TAS2R1: variants seen among roughly 807,000 people sequenced by gnomAD.
TAS2R1 encodes taste receptor type 2 member 1.
For synonymous variants in TAS2R1, 141 were observed against 134.2 expected (o/e 1.05, Z -0.35); for missense variants, 370 against 353.4 (o/e 1.05, Z -0.38).
chr5:9,802,182 C>T, the TAS2R1 span, among the ~76,000 whole-genome samples: 1 of 152,202 alleles, frequency 6.6e-6, no homozygotes, highest in East Asian at 1.9e-4. Context: ...TACTTTACTC[C>T]CCTGCTACCT....
At chr5:9,647,450 A>G (rs983508613) in intron 2 of TAS2R1, among the ~76,000 whole-genome samples, 2 of 152,144 alleles carry the variant, frequency 1.3e-5, no homozygotes, top group Non-Finnish European at 2.9e-5. Flanking sequence ...AGCTGTGCAA[A>G]CCCCACATAC....
At chr5:9,898,213 G>T in the TAS2R1 span, among the ~76,000 whole-genome samples, 531 of 152,288 alleles carry the variant, frequency 3.5e-3, 3 homozygotes, top group African/African-American at 0.012. Flanking sequence ...CCTTAAGTGT[G>T]TCTCCTCCTA....
chr5:9,879,128 G>T, the TAS2R1 span, among the ~76,000 whole-genome samples: 14 of 152,348 alleles, frequency 9.2e-5, no homozygotes, highest in African/African-American at 3.4e-4. Context: ...AATTAAAGAG[G>T]CACTTAGTAG....
the TAS2R1 span, among the ~76,000 whole-genome samples, chr5:9,890,782 GT>G: frequency 6.6e-6 from 1 of 152,160 alleles, no homozygotes; most frequent in African/African-American, 2.4e-5. Context: ...TCTTGACCCT[GT>G]TTTTAAGGGC....
chr5:9,791,151 A>G, the TAS2R1 span, among the ~76,000 whole-genome samples: 1 of 152,170 alleles, frequency 6.6e-6, no homozygotes, highest in Non-Finnish European at 1.5e-5. Context: ...TCTAAATGAC[A>G]TTAGTCTTAT....
chr5:9,885,150 T>A, the TAS2R1 span, among the ~76,000 whole-genome samples: 1 of 152,220 alleles, frequency 6.6e-6, no homozygotes, highest in East Asian at 1.9e-4. Context: ...GAGCTGGGAT[T>A]CAAACCCCAG....
the TAS2R1 span, among the ~76,000 whole-genome samples, chr5:9,821,030 A>G: frequency 6.6e-6 from 1 of 152,218 alleles, no homozygotes; most frequent in Non-Finnish European, 1.5e-5. Flanking sequence ...CTGGCCAAGG[A>G]TATCTCAGGA....
chr5:9,671,669 G>A (rs1001054270), intron 1 of TAS2R1, among the ~76,000 whole-genome samples: 2 of 152,094 alleles, frequency 1.3e-5, no homozygotes, highest in African/African-American at 4.8e-5. Flanking sequence ...AATATCCCAT[G>A]TTCATGGACA....
At chr5:9,852,020 G>C in the TAS2R1 span, among the ~76,000 whole-genome samples, 2 of 152,160 alleles carry the variant, frequency 1.3e-5, no homozygotes, top group South Asian at 2.1e-4. Context: ...GAGAAGAAGA[G>C]TTTAAATACC....
At chr5:9,845,009 T>C in the TAS2R1 span, among the ~76,000 whole-genome samples, 1 of 152,224 alleles carries the variant, frequency 6.6e-6, no homozygotes, top group Non-Finnish European at 1.5e-5. Flanking sequence ...TTTCCAAACC[T>C]ATTTCCTATT....
chr5:9,654,548 AAG>A (rs1740371511), intron 2 of TAS2R1, among the ~76,000 whole-genome samples: 1 of 152,214 alleles, frequency 6.6e-6, no homozygotes, highest in Non-Finnish European at 1.5e-5. Context: ...GATGAAAACT[AAG>A]TGATAATCAG....
the TAS2R1 span, among the ~76,000 whole-genome samples, chr5:9,897,977 G>A: frequency 2.0e-5 from 3 of 152,076 alleles, no homozygotes; most frequent in Non-Finnish European, 4.4e-5. Context: ...TTAATCCTCC[G>A]AATTTCATAA....
At chr5:9,844,136 C>T in the TAS2R1 span, among the ~76,000 whole-genome samples, 1 of 152,110 alleles carries the variant, frequency 6.6e-6, no homozygotes, top group African/African-American at 2.4e-5. Flanking sequence ...ACAGGTTCTA[C>T]CCACACTCAA....
intron 1 of TAS2R1, among the ~76,000 whole-genome samples, chr5:9,700,330 A>G (rs1741453137): frequency 6.6e-6 from 1 of 152,186 alleles, no homozygotes; most frequent in African/African-American, 2.4e-5. Flanking sequence ...GTTTCGTTAT[A>G]GGCCCAATTT....
At chr5:9,678,693 AC>A (rs1387740585) in intron 1 of TAS2R1, among the ~76,000 whole-genome samples, 1 of 152,190 alleles carries the variant, frequency 6.6e-6, no homozygotes, top group African/African-American at 2.4e-5. Flanking sequence ...AGAAAATCAA[AC>A]ACCGCATGTT....
At chr5:9,805,875 C>G in the TAS2R1 span, among the ~76,000 whole-genome samples, 22 of 151,924 alleles carry the variant, frequency 1.4e-4, no homozygotes, top group Non-Finnish European at 2.8e-4. Context: ...CTATTCAACA[C>G]AGTACTGGAA....
chr5:9,678,452 G>C (rs1015485059), intron 1 of TAS2R1, among the ~76,000 whole-genome samples: 3 of 152,074 alleles, frequency 2.0e-5, no homozygotes, highest in African/African-American at 4.8e-5. Flanking sequence ...AAGGAATATA[G>C]ATCATTCTAT....
chr5:9,852,842 GAAA>G, the TAS2R1 span, among the ~76,000 whole-genome samples: 1 of 126,974 alleles, frequency 7.9e-6, no homozygotes, highest in South Asian at 2.6e-4. Context: ...CTTCTTGCAG[GAAA>G]AAAAAAAATA....
the TAS2R1 span, among the ~76,000 whole-genome samples, chr5:9,808,867 GGGGTGGGGCCACTGAAGATATCCTTGT>G: frequency 4.6e-5 from 7 of 151,916 alleles, no homozygotes; most frequent in Non-Finnish European, 1.0e-4. Context: ...TATTGCCATA[GGGGTGGGGCCACTGAAGATATCCTTGT>G]GGGTGGGTCC....
Sources: allele counts gnomAD v4.1 joint callset (sites outside exome capture counted in the v4.1 genomes callset), GRCh38; gene constraint gnomAD v4.1.1; transcripts MANE v1.5; gene names NCBI Gene and HGNC (gene_info 2026-07-23, HGNC 2026-07-21).